The following ATR variants were observed in gnomAD, a reference collection of about 807,000 sequenced individuals.
ATR encodes the protein serine/threonine-protein kinase ATR.
ATR carries 142 observed loss-of-function variants against 305.3 expected under a neutral mutation model. The observed-to-expected ratio is 0.47, with a 90% CI of 0.41 to 0.53. ATR has a LOEUF of 0.53. Among genes scored for constraint, ATR ranks in the 20% least tolerant of loss-of-function variants. The pLI is 0.00. For missense variants in ATR, 2,135 were observed against 3,133.1 expected (o/e 0.68, Z 7.60); for synonymous variants, 1,050 against 1,068.1 (o/e 0.98, Z 0.33).
At chr3:142,466,687 C>T (rs561069147) in intron 39 of ATR, among the ~76,000 whole-genome samples, 154 bp from the exon 40 acceptor site, 5 of 151,910 alleles carry the variant, frequency 3.3e-5, no homozygotes, top group Non-Finnish European at 7.4e-5. Flanking sequence ...TGTCATTTAC[C>T]TCATTAATAA....
Position 142,499,658 on chromosome 3 carries a change from CT to C in ATR, c.5348del (p.Gln1783ArgfsTer41), listed in dbSNP as rs769823328. On this transcript the variant is annotated frameshift_variant, in exon 31 of 47. Transcript: ENST00000350721. LOFTEE classifies it high-confidence loss of function. Reference sequence around the variant, plus strand: ...CCAAATAGTTTTCCACCAAATCCCACTGTGACAATTTCCAAGCTGCTTCCAC... The same window carrying C: ...CCAAATAGTTTTCCACCAAATCCCACGTGACAATTTCCAAGCTGCTTCCAC... Reference protein sequence around the residue: ...YRVEAAWKLSQWDLVENYLAA... With the variant: ...YRVEAAWKLSXWDLVENYLAA... The C allele has an allele frequency of 6.2e-7, 1 of 1,614,112 alleles. No homozygotes were observed. The highest frequency in any genetic ancestry group is 1.3e-5 in the African/African-American group (1 of 75,036).
intron 30 of ATR, among the ~76,000 whole-genome samples, chr3:142,500,823 G>A (rs1204222494): frequency 1.3e-5 from 2 of 152,058 alleles, no homozygotes; most frequent in Non-Finnish European, 2.9e-5. Context: ...CTTACCATCA[G>A]ACACCAAAAT....
intron 21 of ATR, among the ~76,000 whole-genome samples, chr3:142,531,445 C>T (rs1271886383): frequency 6.6e-6 from 1 of 151,934 alleles, no homozygotes; most frequent in East Asian, 1.9e-4. Flanking sequence ...GTGATGTTCC[C>T]CTTCCTGTGT....
At chr3:142,517,637 C>G (rs544406643) in intron 24 of ATR, among the ~76,000 whole-genome samples, 3 of 152,270 alleles carry the variant, frequency 2.0e-5, no homozygotes, top group South Asian at 4.1e-4. Flanking sequence ...AGGAACCATT[C>G]GAGAGGTTAT....
intron 21 of ATR, among the ~76,000 whole-genome samples, chr3:142,528,038 T>C (rs1017234266): frequency 1.3e-5 from 2 of 152,188 alleles, no homozygotes; most frequent in Non-Finnish European, 2.9e-5. Context: ...TTCTAGCCCA[T>C]GGGAGCTGTG....
Position 142,563,113 on chromosome 3 carries a change from T to C in ATR, c.293-4A>G. 1 of 1,599,310 alleles carries C rather than the reference T, an allele frequency of 6.3e-7. No homozygotes were observed. Among genetic ancestry groups the C allele is most frequent in the Non-Finnish European group, 8.5e-7 (1 of 1,175,512 alleles). ...GTTATGATCCAATTACTGAATTCTT[T>C]GAAATAAACAAAAAAGATATTAAAT... is the stretch of plus-strand genomic sequence containing the variant. On this transcript the variant is annotated splice_polypyrimidine_tract_variant and splice_region_variant and intron_variant, in intron 3 of 46. Coordinates refer to ENST00000350721, the MANE Select transcript of ATR (RefSeq NM_001184.4).
intron 18 of ATR, 108 bp downstream of exon 18, chr3:142,540,790 TTCTACC>T: frequency 7.9e-7 from 1 of 1,263,114 alleles, no homozygotes; most frequent in East Asian, 2.5e-5. Context: ...TAAATAGTCT[TTCTACC>T]TTATTTATTA....
chr3:142,496,672 A>G lies in ATR; in HGVS notation c.5739-152T>C, dbSNP rs1259111837. ...TCCCAATACAGAACCTTCTTCATAT[A>G]CTATTTCAAAGGAATTAATTATTAA... On this transcript the variant is annotated intron_variant, in intron 33 of 46. Transcript: ENST00000350721. The G allele has an allele frequency of 5.1e-6, 4 of 789,484 alleles. No homozygotes were observed. The East Asian group carries it at 1.1e-4, about 21-fold the overall frequency. The allele number at this position is 789,484 out of a possible 1,614,324, so 48.9% of individuals were successfully genotyped here.
At chr3:142,535,295 TA>T in intron 20 of ATR, 90 bp from the exon 21 acceptor site, 1 of 1,497,794 alleles carries the variant, frequency 6.7e-7, no homozygotes, top group South Asian at 1.2e-5. Flanking sequence ...TAGTTACCAT[TA>T]AACTATACCA....
intron 46 of ATR, chr3:142,451,260 G>T: frequency 8.3e-7 from 1 of 1,206,234 alleles, no homozygotes; most frequent in South Asian, 1.6e-5. Context: ...CTGTGGGACT[G>T]GCTAGCTGAG....
At chr3:142,542,949 T>C (rs1232054068) in intron 16 of ATR, among the ~76,000 whole-genome samples, 192 bp from the exon 17 acceptor site, 1 of 152,188 alleles carries the variant, frequency 6.6e-6, no homozygotes, top group Non-Finnish European at 1.5e-5. Context: ...ACATGTAGTA[T>C]TTAAAGGAAT....
rs1553760582 is a variant in ATR, at chr3:142,505,199, A to C, written c.5136T>G (p.Leu1712=). The C allele has an allele frequency of 6.2e-7, 1 of 1,614,212 alleles. No individual in the cohort carries two copies. Among genetic ancestry groups the C allele is most frequent in the Non-Finnish European group, 8.5e-7 (1 of 1,180,030 alleles). The change falls in exon 29 of 47, where the codon CTT becomes CTG. Residue 1712 remains leucine, a synonymous_variant. Coordinates refer to ENST00000350721, the MANE Select transcript of ATR (RefSeq NM_001184.4). The stretch of plus-strand genomic sequence containing the variant: ...AAGCAGTGGCATCCCTCAGCAAGCC[A>C]AGGCTTTCATGTTCAAGGATCTGTT... The part of the protein sequence containing the change: ...LKEQILEHES[L]GLLRDATACY...
chr3:142,540,008 G>A (rs1226823215), intron 18 of ATR, among the ~76,000 whole-genome samples: 5 of 152,204 alleles, frequency 3.3e-5, no homozygotes, highest in South Asian at 4.2e-4. Flanking sequence ...ATATTATTAT[G>A]TGGCTCATAC....
At position 142,457,769 on chromosome 3, in the gene ATR, C is replaced by T. The variant is rs757912936; in HGVS notation, c.7504-14G>A. 9 of 1,612,082 alleles carry T rather than the reference C, an allele frequency of 5.6e-6. No homozygotes were observed. The highest frequency in any genetic ancestry group is 1.6e-4 in the Middle Eastern group (1 of 6,080). ...AAAGGTTTCTCCCTTAGAAACAATA[C>T]ATTTTATTACAAACTAACAATGTTA... On this transcript the variant is annotated splice_polypyrimidine_tract_variant and intron_variant, in intron 44 of 46. Transcript: ENST00000350721.
intron 18 of ATR, among the ~76,000 whole-genome samples, chr3:142,539,828 T>C (rs952918858): frequency 6.6e-6 from 1 of 152,104 alleles, no homozygotes; most frequent in Admixed American, 6.6e-5. Context: ...AATAATAAAA[T>C]TAGAAAATCA....
chr3:142,469,554 C>A lies in ATR; in HGVS notation c.6335G>T (p.Arg2112Leu), dbSNP rs535888898. Residue 2112 changes from arginine to leucine, a missense_variant, in exon 38 of 47, where the codon CGT becomes CTT. Arg to Leu is a moderately radical substitution (Grantham distance 102). Coordinates refer to ENST00000350721, the MANE Select transcript of ATR (RefSeq NM_001184.4). ...YEWEKAGRSDRVQMRNDLGKI... is the reference protein window; with the variant it reads ...YEWEKAGRSDLVQMRNDLGKI... The stretch of plus-strand genomic sequence containing the variant: ...ACCCAAATCATTCCTCATTTGTACA[C>A]GATCGGAGCGGCCAGCTGGGGGAAG... 6.2e-7 allele frequency: 1 copy of A among 1,613,324 alleles called. No homozygotes were observed. The highest frequency in any genetic ancestry group is 8.5e-7 in the Non-Finnish European group (1 of 1,179,458).
In ATR at chr3:142,514,178, C is replaced by T. The variant is rs1234841073; in HGVS notation, c.4504-540G>A. Among the ~76,000 whole-genome samples, 3 of 151,782 alleles carry T rather than the reference C, an allele frequency of 2.0e-5. No homozygotes were observed. The East Asian group carries it at 5.8e-4, about 30-fold the overall frequency. ...GTTCCAGATACTCGGGAGGCTGAGG[C>T]AGGAGAACCACTTAAACCCGGGAGG... On this transcript the variant is annotated intron_variant, in intron 25 of 46. Transcript: ENST00000350721.
intron 46 of ATR, chr3:142,452,599 A>G: frequency 2.6e-6 from 2 of 769,416 alleles, no homozygotes; most frequent in Non-Finnish European, 3.2e-6. Flanking sequence ...GCTTGAACCC[A>G]GGAGGCAGAG....
At chr3:142,468,300 T>C (rs1007479869) in intron 38 of ATR, among the ~76,000 whole-genome samples, 8 of 152,020 alleles carry the variant, frequency 5.3e-5, no homozygotes, top group African/African-American at 1.9e-4. Flanking sequence ...TAATTACAAG[T>C]GAGAATAAAC....
Sources: allele counts gnomAD v4.1 joint callset (sites outside exome capture counted in the v4.1 genomes callset), GRCh38; gene constraint gnomAD v4.1.1; transcripts MANE v1.5; gene names NCBI Gene and HGNC (gene_info 2026-07-23, HGNC 2026-07-21).